Variants in CSMD1 observed in about 807,000 individuals in gnomAD.
CSMD1 encodes the protein CUB and Sushi multiple domains 1.
Under a neutral mutation model 417.5 loss-of-function variants are expected in CSMD1, and 213 were observed. That is an observed-to-expected ratio of 0.51 (90% confidence interval 0.46 to 0.57). The LOEUF is 0.57. Ranked by LOEUF, CSMD1 falls within the 20% of genes least tolerant of loss-of-function variation. The pLI is 0.00. For missense variants in CSMD1, 6,923 were observed against 4,529.7 expected (o/e 1.53, Z -15.17); for synonymous variants, 2,862 against 1,736.8 (o/e 1.65, Z -16.11).
intron 46 of CSMD1, among the ~76,000 whole-genome samples, chr8:3,100,084 T>C (rs1213826534): frequency 6.6e-6 from 1 of 152,084 alleles, no homozygotes; most frequent in Non-Finnish European, 1.5e-5. Flanking sequence ...TCTCACTCTG[T>C]CACCCAAGCC....
intron 3 of CSMD1, among the ~76,000 whole-genome samples, chr8:4,170,662 G>C (rs1350871081): frequency 2.0e-5 from 3 of 151,530 alleles, no homozygotes; most frequent in African/African-American, 7.3e-5. Flanking sequence ...AAGAGAAGTA[G>C]AATAAGTTGG....
At chr8:3,863,461 T>C (rs1305593298) in intron 5 of CSMD1, among the ~76,000 whole-genome samples, 4 of 151,602 alleles carry the variant, frequency 2.6e-5, no homozygotes, top group East Asian at 1.9e-4. Flanking sequence ...CTTAGTCTCT[T>C]CCCAATGACC....
At chr8:4,686,211 G>C (rs1806379350) in intron 1 of CSMD1, among the ~76,000 whole-genome samples, 1 of 152,202 alleles carries the variant, frequency 6.6e-6, no homozygotes, top group Admixed American at 6.5e-5. Flanking sequence ...AGTTAGTAAG[G>C]CTTTTCTTTC....
intron 6 of CSMD1, among the ~76,000 whole-genome samples, chr8:3,729,663 C>T (rs1472505363): frequency 2.0e-5 from 3 of 147,880 alleles, no homozygotes; most frequent in Non-Finnish European, 4.4e-5. Context: ...TGGGGGCTAC[C>T]AGCGAAGTGT....
In CSMD1 at chr8:4,604,968, G is replaced by A. The variant is rs1563327436; in HGVS notation, c.302+32374C>T. On this transcript the variant is annotated intron_variant, in intron 2 of 69. Transcript: ENST00000635120. ...ATGTAATTTGTTCTTGTGGGTCTATGCCAGATACGAGTAAGGCTTCCTGTG... is the reference window on the plus strand; with the variant it reads ...ATGTAATTTGTTCTTGTGGGTCTATACCAGATACGAGTAAGGCTTCCTGTG... Among the ~76,000 whole-genome samples, 6 of 152,250 alleles carry A rather than the reference G, an allele frequency of 3.9e-5. No individual in the cohort carries two copies. The South Asian group carries it at 1.2e-3, about 32-fold the overall frequency.
chr8:2,953,242 C>A (rs11779517), intron 65 of CSMD1, among the ~76,000 whole-genome samples: 86,244 of 151,880 alleles, frequency 0.57, 25,160 homozygotes, highest in Non-Finnish European at 0.63. Flanking sequence ...GTCTAGAAAG[C>A]TTTAAAAAGC....
At chr8:4,600,458 C>T (rs891710173) in intron 2 of CSMD1, among the ~76,000 whole-genome samples, 4 of 152,134 alleles carry the variant, frequency 2.6e-5, no homozygotes, top group Admixed American at 6.5e-5. Context: ...ATCATCAATG[C>T]CTTTTCTTGA....
intron 1 of CSMD1, among the ~76,000 whole-genome samples, chr8:4,928,016 G>A (rs919217905): frequency 2.0e-5 from 3 of 152,096 alleles, no homozygotes; most frequent in Admixed American, 6.6e-5. Context: ...CATCCTCAGC[G>A]GCAAAAGTAG....
intron 2 of CSMD1, among the ~76,000 whole-genome samples, chr8:4,422,486 C>T (rs558291851): frequency 4.6e-5 from 7 of 152,142 alleles, no homozygotes; most frequent in African/African-American, 1.7e-4. Flanking sequence ...GAGAAGGATT[C>T]CTTTCTCCCT....
chr8:4,323,980 A>C (rs1401902931), intron 3 of CSMD1, among the ~76,000 whole-genome samples: 1 of 152,170 alleles, frequency 6.6e-6, no homozygotes, highest in African/African-American at 2.4e-5. Context: ...TGCTGCCTCA[A>C]GGACTTCACT....
intron 7 of CSMD1, among the ~76,000 whole-genome samples, chr8:3,641,925 G>C (rs958871521): frequency 3.3e-5 from 5 of 152,278 alleles, no homozygotes; most frequent in African/African-American, 7.2e-5. Context: ...ATTAAGGTTA[G>C]CAAAAAACAC....
chr8:3,298,542 C>T (rs1026066381), intron 25 of CSMD1, among the ~76,000 whole-genome samples: 2 of 152,176 alleles, frequency 1.3e-5, no homozygotes, highest in Non-Finnish European at 2.9e-5. Context: ...CAACCTCTGC[C>T]TCCCAGGCTC....
intron 3 of CSMD1, among the ~76,000 whole-genome samples, chr8:4,199,454 T>A (rs924126281): frequency 6.6e-6 from 1 of 152,170 alleles, no homozygotes; most frequent in African/African-American, 2.4e-5. Context: ...GCATCTCAGT[T>A]TCCTGAGAAA....
intron 3 of CSMD1, among the ~76,000 whole-genome samples, chr8:4,038,396 T>C (rs998618991): frequency 1.3e-5 from 2 of 152,212 alleles, no homozygotes; most frequent in African/African-American, 4.8e-5. Context: ...ATGGAATTGT[T>C]GCTAGGTCTA....
At chr8:3,591,840 T>C (rs112904395) in intron 8 of CSMD1, among the ~76,000 whole-genome samples, 2,997 of 152,116 alleles carry the variant, frequency 0.02, 100 homozygotes, top group African/African-American at 0.067. Flanking sequence ...GATAGGTACA[T>C]AGATTAGATA....
At position 4,364,604 on chromosome 8, in the gene CSMD1, C is replaced by G. The variant is rs1252488407; in HGVS notation, c.415+55349G>C. On this transcript the variant is annotated intron_variant, in intron 3 of 69. Coordinates refer to ENST00000635120, the MANE Select transcript of CSMD1 (RefSeq NM_033225.6). ...CTTTGGGAGGCCGAGGCGGGCGGAT[C>G]ACGAGGTCAGGAGATCGAGACCATC... 2.7e-5 allele frequency among the ~76,000 whole-genome samples: 2 copies of G among 74,992 alleles called. 1 individual carries two copies. Among genetic ancestry groups the G allele is most frequent in the Non-Finnish European group, 4.8e-5 (2 of 41,662 alleles). 49.2% of individuals were successfully genotyped at this position (74,992 alleles called of 152,430 possible).
intron 12 of CSMD1, among the ~76,000 whole-genome samples, chr8:3,429,608 C>T (rs779916763): frequency 2.6e-5 from 4 of 152,082 alleles, no homozygotes; most frequent in East Asian, 3.9e-4. Context: ...AATATCTTGA[C>T]GAGGGGTGGT....
chr8:4,247,964 G>C (rs1802814041), intron 3 of CSMD1, among the ~76,000 whole-genome samples: 1 of 152,036 alleles, frequency 6.6e-6, no homozygotes, highest in African/African-American at 2.4e-5. Context: ...GTCTTCTTTT[G>C]GAAATTGCTT....
intron 5 of CSMD1, among the ~76,000 whole-genome samples, chr8:3,886,986 A>G (rs1806608401): frequency 6.6e-6 from 1 of 152,174 alleles, no homozygotes; most frequent in African/African-American, 2.4e-5. Flanking sequence ...GAACACTTAG[A>G]GAAGCATTGA....
Sources: allele counts gnomAD v4.1 joint callset (sites outside exome capture counted in the v4.1 genomes callset), GRCh38; gene constraint gnomAD v4.1.1; transcripts MANE v1.5; gene names NCBI Gene and HGNC (gene_info 2026-07-23, HGNC 2026-07-21).